ST3GAL3: variants seen among roughly 807,000 people sequenced by gnomAD.
ST3GAL3 encodes the protein ST3 beta-galactoside alpha-2,3-sialyltransferase 3, also known as CMP-N-acetylneuraminate-beta-1,4-galactoside alpha-2,3-sialyltransferase.
A neutral mutation model predicts 50.1 loss-of-function variants in ST3GAL3; 21 were observed. That is an observed-to-expected ratio of 0.42 (90% CI 0.30 to 0.60). The LOEUF is 0.60. Among genes scored for constraint, ST3GAL3 ranks in the 20% least tolerant of loss-of-function variants. ST3GAL3 has a pLI of 0.19. For synonymous variants in ST3GAL3, 183 were observed against 190.0 expected, an observed-to-expected ratio of 0.96 and a Z score of 0.30; for missense variants, 353 against 489.4, an observed-to-expected ratio of 0.72 and a Z score of 2.63.
intron 5 of ST3GAL3, among the ~76,000 whole-genome samples, chr1:43,867,243 G>A (rs183497026): frequency 4.6e-5 from 7 of 152,306 alleles, no homozygotes; most frequent in Admixed American, 1.3e-4. Context: ...CCCACGACAC[G>A]TAGGAATTGT....
chr1:43,867,262 C>A (rs1184951819), intron 5 of ST3GAL3, among the ~76,000 whole-genome samples: 1 of 152,166 alleles, frequency 6.6e-6, no homozygotes, highest in Non-Finnish European at 1.5e-5. Context: ...GTGGGAGTTA[C>A]AATTCAAGAT....
intron 5 of ST3GAL3, among the ~76,000 whole-genome samples, chr1:43,889,670 T>A (rs2076438637): frequency 6.6e-6 from 1 of 152,230 alleles, no homozygotes; most frequent in Non-Finnish European, 1.5e-5. Flanking sequence ...ACATTTTCTA[T>A]ATGTATACGT....
chr1:43,897,125 A>T (rs2154269080), intron 6 of ST3GAL3, among the ~76,000 whole-genome samples: 1 of 144,648 alleles, frequency 6.9e-6, no homozygotes, highest in East Asian at 2.0e-4. Flanking sequence ...GCTTGCCTCC[A>T]CCATTTTGCT....
chr1:43,876,279 C>T (rs1193579742), intron 5 of ST3GAL3, among the ~76,000 whole-genome samples: 2 of 152,024 alleles, frequency 1.3e-5, no homozygotes, highest in Non-Finnish European at 2.9e-5. Context: ...TTTCTCTTCA[C>T]TTTATTTTTG....
At chr1:43,864,217 G>T (rs1483901153) in intron 5 of ST3GAL3, among the ~76,000 whole-genome samples, 2 of 152,228 alleles carry the variant, frequency 1.3e-5, no homozygotes, top group South Asian at 4.1e-4. Flanking sequence ...GACGGAGGTT[G>T]CAGTGAGCTG....
intron 2 of ST3GAL3, chr1:43,743,682 T>C (rs1008898696): frequency 1.2e-5 from 3 of 249,992 alleles, no homozygotes; most frequent in African/African-American, 6.9e-5. Flanking sequence ...AAAGTACCAT[T>C]GCCATGTTCC....
At chr1:43,850,355 G>T in intron 5 of ST3GAL3, 1 of 579,088 alleles carries the variant, frequency 1.7e-6, no homozygotes, top group South Asian at 1.5e-5. Context: ...CCTCCTCCTG[G>T]AGAGCCTGCA....
At chr1:43,889,298 A>G (rs910779445) in intron 5 of ST3GAL3, among the ~76,000 whole-genome samples, 2 of 152,082 alleles carry the variant, frequency 1.3e-5, no homozygotes, top group Non-Finnish European at 2.9e-5. Flanking sequence ...TGAATACTGT[A>G]TGGGACTAGA....
At chr1:43,815,153 G>A (rs1028248825) in intron 4 of ST3GAL3, 7 of 614,200 alleles carry the variant, frequency 1.1e-5, no homozygotes, top group Admixed American at 2.8e-5. Context: ...GATTTGGCTG[G>A]CACAGGCAGC....
chr1:43,810,006 A>G (rs1419889391), intron 3 of ST3GAL3, among the ~76,000 whole-genome samples: 3 of 151,200 alleles, frequency 2.0e-5, no homozygotes, highest in Admixed American at 6.6e-5. Flanking sequence ...AAAAAAAAAA[A>G]AAAGAAAGAA....
chr1:43,726,698 A>G (rs1369849713), intron 1 of ST3GAL3, among the ~76,000 whole-genome samples: 2 of 152,140 alleles, frequency 1.3e-5, no homozygotes, highest in South Asian at 2.1e-4. Flanking sequence ...GAGTTCAAGC[A>G]ATTCTTCTGC....
intron 4 of ST3GAL3, among the ~76,000 whole-genome samples, chr1:43,821,937 G>C (rs1369353235): frequency 1.3e-5 from 2 of 152,234 alleles, no homozygotes; most frequent in Non-Finnish European, 2.9e-5. Flanking sequence ...GGATATACCA[G>C]TGAACAAGAC....
intron 4 of ST3GAL3, among the ~76,000 whole-genome samples, chr1:43,817,470 C>G (rs1030701161): frequency 7.0e-6 from 1 of 143,312 alleles, no homozygotes. Flanking sequence ...TTCTTCTTCT[C>G]CTTCTCCTTG....
At chr1:43,817,133 A>G (rs999677419) in intron 4 of ST3GAL3, among the ~76,000 whole-genome samples, 2 of 152,214 alleles carry the variant, frequency 1.3e-5, no homozygotes, top group African/African-American at 4.8e-5. Context: ...ATAGTATTAC[A>G]TGACCTTAGA....
chr1:43,908,820 T>C (rs2080276185), intron 9 of ST3GAL3, among the ~76,000 whole-genome samples: 1 of 152,046 alleles, frequency 6.6e-6, no homozygotes, highest in African/African-American at 2.4e-5. Flanking sequence ...TTAGTAGAGA[T>C]GGGGTTTCGC....
At chr1:43,904,466 G>A (rs2078808982) in intron 9 of ST3GAL3, among the ~76,000 whole-genome samples, 1 of 151,952 alleles carries the variant, frequency 6.6e-6, no homozygotes, top group South Asian at 2.1e-4. Flanking sequence ...GCCATCACCA[G>A]TGGCCGCAGC....
At chr1:43,898,419 A>G in intron 7 of ST3GAL3, 121 bp downstream of exon 7, 1 of 977,136 alleles carries the variant, frequency 1.0e-6, no homozygotes, top group South Asian at 1.3e-5. Context: ...ACATGCACAT[A>G]CAGTACACAC....
intron 11 of ST3GAL3, among the ~76,000 whole-genome samples, chr1:43,927,016 A>C (rs2084102779): frequency 6.6e-6 from 1 of 152,090 alleles, no homozygotes; most frequent in Non-Finnish European, 1.5e-5. Flanking sequence ...CTCAGATACC[A>C]TATATCCCTC....
chr1:43,803,679 A>C (rs1254489327), intron 3 of ST3GAL3, among the ~76,000 whole-genome samples: 4 of 152,216 alleles, frequency 2.6e-5, no homozygotes, highest in Admixed American at 1.3e-4. Context: ...TCCAGTGTTC[A>C]TCCAACAAGT....
Sources: allele counts gnomAD v4.1 joint callset (sites outside exome capture counted in the v4.1 genomes callset), GRCh38; gene constraint gnomAD v4.1.1; transcripts MANE v1.5; gene names NCBI Gene and HGNC (gene_info 2026-07-23, HGNC 2026-07-21).